Variants in AVL9 observed in about 807,000 individuals in gnomAD.
The protein encoded by AVL9 is late secretory pathway protein AVL9 homolog.
Under a neutral mutation model 79.2 loss-of-function variants are expected in AVL9, and 49 were observed. The observed-to-expected ratio is 0.62, with a 90% CI of 0.49 to 0.79. AVL9 has a LOEUF of 0.79. Ranked by LOEUF, AVL9 falls within the 30% of genes least tolerant of loss-of-function variation. AVL9 has a pLI of 0.00. For missense variants in AVL9, 682 were observed against 776.8 expected, an observed-to-expected ratio of 0.88 and a Z score of 1.45; for synonymous variants, 299 against 280.6, an observed-to-expected ratio of 1.07 and a Z score of -0.65.
At chr7:32,526,254 A>C (rs117040778) in intron 1 of AVL9, among the ~76,000 whole-genome samples, 371 of 152,264 alleles carry the variant, frequency 2.4e-3, no homozygotes, top group Non-Finnish European at 4.4e-3. Flanking sequence ...GACCAATCTT[A>C]ACTGCTTCCT....
intron 8 of AVL9, among the ~76,000 whole-genome samples, chr7:32,557,823 T>G (rs184050500): frequency 6.6e-6 from 1 of 151,580 alleles, no homozygotes; most frequent in East Asian, 2.0e-4. Flanking sequence ...GATTTGTCTG[T>G]TAGTACTTCT....
chr7:32,580,307 A>C, intron 14 of AVL9, 35 bp downstream of exon 14: 1 of 1,535,540 alleles, frequency 6.5e-7, no homozygotes, highest in East Asian at 2.3e-5. Context: ...GAAAATTCTT[A>C]AGTCTGAATT....
intron 13 of AVL9, among the ~76,000 whole-genome samples, chr7:32,578,909 C>T (rs1241034037): frequency 6.6e-6 from 1 of 151,966 alleles, no homozygotes; most frequent in African/African-American, 2.4e-5. Context: ...CCTTTAACTC[C>T]TAAAGATTAG....
chr7:32,545,450 C>CA lies in AVL9; in HGVS notation c.300+672dup, dbSNP rs537442567. On this transcript the variant is annotated intron_variant, in intron 3 of 15. Coordinates refer to ENST00000318709, the MANE Select transcript of AVL9 (RefSeq NM_015060.3). Reference sequence around the variant, plus strand: ...GCAGTGGCACAATCTTGGCTCACTGCAGCCTTGACCCTGAGCTCAAGCCCT... The same window carrying CA: ...GCAGTGGCACAATCTTGGCTCACTGCAAGCCTTGACCCTGAGCTCAAGCCCT... 2.7e-4 allele frequency among the ~76,000 whole-genome samples: 38 copies of CA among 141,590 alleles called. No homozygotes were observed. The South Asian group carries it at 4.4e-3, about 16-fold the overall frequency. The allele number at this position is 141,590 out of a possible 152,430, so 92.9% of individuals were successfully genotyped here. A position where few individuals can be genotyped will look rare whatever the true frequency, so the allele number is the denominator to read the frequency against.
chr7:32,582,451 G>A (rs1429446186), intron 15 of AVL9, among the ~76,000 whole-genome samples: 1 of 152,134 alleles, frequency 6.6e-6, no homozygotes, highest in Non-Finnish European at 1.5e-5. Flanking sequence ...GCAAAGGAAT[G>A]GAATTTAGCA....
intron 1 of AVL9, among the ~76,000 whole-genome samples, chr7:32,496,545 A>G (rs1460746208): frequency 6.6e-6 from 1 of 152,230 alleles, no homozygotes; most frequent in Non-Finnish European, 1.5e-5. Context: ...TTTGCAATCT[A>G]TGTATTGAAG....
At chr7:32,535,846 C>T (rs1233526723) in intron 1 of AVL9, 1 of 152,160 alleles carries the variant, frequency 6.6e-6, no homozygotes, top group Non-Finnish European at 1.5e-5. Context: ...GTAATTGGAT[C>T]ATGGGGGCAG....
chr7:32,515,342 A>G (rs1284947401), intron 1 of AVL9, among the ~76,000 whole-genome samples: 1 of 152,242 alleles, frequency 6.6e-6, no homozygotes, highest in East Asian at 1.9e-4. Flanking sequence ...ATTTAGTACC[A>G]GCTTTTAGCT....
Position 32,562,013 on chromosome 7 carries a change from G to A in AVL9, c.1215+2549G>A, listed in dbSNP as rs533115516. ...TTTGCTGTCTATGTGGGCGTGGTTC[G>A]TGTCACTCAAAACAATTACAATAGT... On this transcript the variant is annotated intron_variant, in intron 10 of 15. Transcript: ENST00000318709. Among the ~76,000 whole-genome samples the A allele has an allele frequency of 3.3e-5, 5 of 152,276 alleles. No individual in the cohort carries two copies. In the East Asian group the frequency reaches 5.8e-4, roughly 18 times the overall value.
At chr7:32,515,199 G>T (rs964352781) in intron 1 of AVL9, among the ~76,000 whole-genome samples, 1 of 152,188 alleles carries the variant, frequency 6.6e-6, no homozygotes, top group Non-Finnish European at 1.5e-5. Flanking sequence ...TCACAGGTAC[G>T]TCTTTAACCT....
In AVL9 at chr7:32,580,163, T is replaced by G. The variant is rs77725366; in HGVS notation, c.1689-56T>G. On this transcript the variant is annotated intron_variant, in intron 13 of 15. Coordinates refer to ENST00000318709, the MANE Select transcript of AVL9 (RefSeq NM_015060.3). The stretch of plus-strand genomic sequence containing the variant: ...TACTAATATTTTCTTGTGATAACTC[T>G]TTTTGCAGCCTTTTTGGTAAAATAC... 2.4e-3 allele frequency: 3,358 copies of G among 1,389,560 alleles called. 41 individuals are homozygous for G. In the African/African-American group the frequency reaches 0.036, roughly 15 times the overall value. 86.1% of individuals were successfully genotyped at this position (1,389,560 alleles called of 1,614,324 possible).
At chr7:32,567,075 AT>A (rs2128146232) in intron 10 of AVL9, among the ~76,000 whole-genome samples, 2 of 152,260 alleles carry the variant, frequency 1.3e-5, no homozygotes, top group South Asian at 4.1e-4. Context: ...TTAATTTATA[AT>A]TCTCTTAAGT....
At chr7:32,565,937 G>A (rs893345983) in intron 10 of AVL9, among the ~76,000 whole-genome samples, 32 of 151,334 alleles carry the variant, frequency 2.1e-4, no homozygotes, top group African/African-American at 6.8e-4. Flanking sequence ...GAACCCGGGA[G>A]GCGGAGGTTG....
intron 10 of AVL9, among the ~76,000 whole-genome samples, chr7:32,563,815 A>C (rs557339884): frequency 6.6e-6 from 1 of 152,316 alleles, no homozygotes; most frequent in African/African-American, 2.4e-5. Flanking sequence ...GTGAATAGTT[A>C]ATACAGAATG....
At chr7:32,557,078 A>G (rs1269946685) in intron 8 of AVL9, among the ~76,000 whole-genome samples, 1 of 152,234 alleles carries the variant, frequency 6.6e-6, no homozygotes, top group African/African-American at 2.4e-5. Flanking sequence ...ATATTCCTAC[A>G]TAATCGGAAT....
intron 1 of AVL9, among the ~76,000 whole-genome samples, chr7:32,521,270 CAGA>C (rs1788139532): frequency 6.6e-6 from 1 of 152,144 alleles, no homozygotes; most frequent in Non-Finnish European, 1.5e-5. Context: ...TTGGAGGACT[CAGA>C]AGAAGACAGG....
At chr7:32,511,055 G>A (rs934016186) in intron 1 of AVL9, among the ~76,000 whole-genome samples, 3 of 146,248 alleles carry the variant, frequency 2.1e-5, no homozygotes, top group African/African-American at 7.4e-5. Context: ...AGGTCTGGTT[G>A]TGGGAGTCCA....
intron 11 of AVL9, among the ~76,000 whole-genome samples, chr7:32,572,388 TAC>T (rs70992734): frequency 0.22 from 32,300 of 149,424 alleles, 2,902 homozygotes; most frequent in Middle Eastern, 0.36. Context: ...CATTATTGGT[TAC>T]ATTCTAGTTC....
At chr7:32,512,218 T>C (rs959641204) in intron 1 of AVL9, among the ~76,000 whole-genome samples, 7 of 152,130 alleles carry the variant, frequency 4.6e-5, no homozygotes, top group African/African-American at 1.4e-4. Context: ...TGCCCCTCCA[T>C]AGGCAAAGAT....
Sources: allele counts gnomAD v4.1 joint callset (sites outside exome capture counted in the v4.1 genomes callset), GRCh38; gene constraint gnomAD v4.1.1; transcripts MANE v1.5; gene names NCBI Gene and HGNC (gene_info 2026-07-23, HGNC 2026-07-21).